The following CAMK2G variants were observed in gnomAD, a reference collection of about 807,000 sequenced individuals.
The protein encoded by CAMK2G is calcium/calmodulin dependent protein kinase II gamma, also known as calcium/calmodulin-dependent protein kinase type II subunit gamma.
In CAMK2G, 23 loss-of-function variants were observed where a neutral mutation model predicts 88.7. The observed-to-expected ratio is 0.26, with a 90% CI of 0.19 to 0.37. The LOEUF (loss-of-function observed/expected upper bound fraction) is 0.37, where lower values mean the gene tolerates loss of function less well. CAMK2G is among the 10% of genes least tolerant of loss of function. The probability of loss-of-function intolerance (pLI) is 1.00; values close to 1 mark genes in which losing one functional copy is unlikely to be tolerated. For synonymous variants in CAMK2G, 263 were observed against 294.8 expected, an observed-to-expected ratio of 0.89 and a Z score of 1.11; for missense variants, 476 against 780.8, an observed-to-expected ratio of 0.61 and a Z score of 4.65.
intron 10 of CAMK2G, chr10:73,846,872 T>G (rs929112345): frequency 4.5e-6 from 1 of 224,252 alleles, no homozygotes; most frequent in Non-Finnish European, 8.9e-6. Flanking sequence ...AGTTGAGATC[T>G]GAGTATGAAC....
At position 73,842,437 on chromosome 10, in the gene CAMK2G, C is replaced by T. The variant is rs757235768; in HGVS notation, c.903+21G>A. ...CAAGGCATGATGTCAAGGAGGCTGG[C>T]AGCCTAGAAACGACACTCACCTTCA... is the stretch of plus-strand genomic sequence containing the variant. On this transcript the variant is annotated intron_variant, in intron 11 of 22. Coordinates refer to ENST00000423381, the MANE Select transcript of CAMK2G (RefSeq NM_001367534.1). The surrounding 1 kb of genome is among the most constrained non-coding windows in gnomAD (Gnocchi z 4.6). The T allele has an allele frequency of 1.3e-6, 2 of 1,574,786 alleles. No individual in the cohort carries two copies. The highest frequency in any genetic ancestry group is 8.7e-7 in the Non-Finnish European group (1 of 1,144,108).
intron 14 of CAMK2G, among the ~76,000 whole-genome samples, chr10:73,835,708 T>C (rs900542916): frequency 6.6e-6 from 1 of 152,154 alleles, no homozygotes; most frequent in African/African-American, 2.4e-5. Flanking sequence ...GATCCAACCA[T>C]ATTTTTGACA....
chr10:73,835,025 T>C (rs531728068), intron 14 of CAMK2G, among the ~76,000 whole-genome samples: 1 of 152,318 alleles, frequency 6.6e-6, no homozygotes, highest in East Asian at 1.9e-4. Context: ...CTCTTCCCTC[T>C]GCCTGGAATA....
chr10:73,852,699 A>G (rs908858429), intron 4 of CAMK2G: 3 of 267,654 alleles, frequency 1.1e-5, no homozygotes, highest in Middle Eastern at 2.5e-3. Context: ...GTTGAAGAGT[A>G]ATGAGACCAA....
At chr10:73,815,841 G>C in intron 21 of CAMK2G, 1 of 985,558 alleles carries the variant, frequency 1.0e-6, no homozygotes, top group Non-Finnish European at 1.2e-6. Flanking sequence ...AAAGGCAAAA[G>C]AAGTTGGATT....
At chr10:73,841,783 T>C (rs2093805448) in intron 12 of CAMK2G, 1 of 182,488 alleles carries the variant, frequency 5.5e-6, no homozygotes, top group African/African-American at 2.4e-5. Context: ...TGGTGGCAAT[T>C]TGGCAATTGA....
chr10:73,855,056 G>A (rs952096856), intron 3 of CAMK2G, among the ~76,000 whole-genome samples: 1 of 152,108 alleles, frequency 6.6e-6, no homozygotes. Flanking sequence ...CCCTAGGCCT[G>A]CAGATGACAG....
rs1430352012 is a variant in CAMK2G, at chr10:73,817,031, A to G, written c.1526T>C (p.Phe509Ser). The G allele has an allele frequency of 1.9e-6, 3 of 1,614,158 alleles. No homozygotes were observed. In the Admixed American group the frequency reaches 5.0e-5, roughly 27 times the overall value. ...VEGMDFHKFY[F>S]ENLLSKNSKP... ...AGCACGAACCCACTCACGATTCTCAAAGTAAAACTTATGGAAATCCATCCC... is the reference window on the plus strand; with the variant it reads ...AGCACGAACCCACTCACGATTCTCAGAGTAAAACTTATGGAAATCCATCCC... Residue 509 changes from phenylalanine to serine, a missense_variant, in exon 21 of 23, where the codon TTT (phenylalanine) becomes TCT (serine). By Grantham distance (155) the Phe-to-Ser change is radical. Transcript: ENST00000423381.
Position 73,852,913 on chromosome 10 carries a change from C to CAA in CAMK2G, c.275+278_275+279insTT. The CAA allele has an allele frequency of 6.3e-6, 3 of 476,324 alleles. No homozygotes were observed. In the South Asian group the frequency reaches 9.2e-5, roughly 15 times the overall value. 29.5% of individuals were successfully genotyped at this position (476,324 alleles called of 1,614,324 possible). A position where few individuals can be genotyped will look rare whatever the true frequency, so the allele number is the denominator to read the frequency against. ...TCTTTTATTTCTTCACTAAGGACAG[C>CAA]ACACTGAGAAACAAGACAAAGGCAT... On this transcript the variant is annotated intron_variant, in intron 4 of 22. Transcript: ENST00000423381.
chr10:73,861,513 G>A (rs867188079), intron 2 of CAMK2G, among the ~76,000 whole-genome samples: 1 of 152,094 alleles, frequency 6.6e-6, no homozygotes. Flanking sequence ...ACACCACCAC[G>A]CCTGGCTAAT....
intron 12 of CAMK2G, among the ~76,000 whole-genome samples, chr10:73,840,538 C>G (rs770985018): frequency 7.9e-5 from 12 of 152,310 alleles, no homozygotes; most frequent in Non-Finnish European, 1.5e-4. Flanking sequence ...CTCCTCTGAC[C>G]CAAGGCAAAG....
At chr10:73,853,299 C>A in intron 3 of CAMK2G, 53 bp from the exon 4 acceptor site, 1 of 1,531,712 alleles carries the variant, frequency 6.5e-7, no homozygotes. Context: ...CTTGGAAATC[C>A]TAGGCTTCTC....
At chr10:73,846,979 G>C (rs1332479104) in intron 10 of CAMK2G, 2 of 489,632 alleles carry the variant, frequency 4.1e-6, no homozygotes, top group Admixed American at 3.4e-5. Flanking sequence ...TCCAAGAACA[G>C]AACCAATCCC....
chr10:73,851,277 C>T (rs575398340), intron 5 of CAMK2G, among the ~76,000 whole-genome samples: 4 of 152,282 alleles, frequency 2.6e-5, no homozygotes, highest in South Asian at 4.1e-4. Context: ...ACATCACCCT[C>T]GAGAAAAGCA....
rs757073848 is a variant in CAMK2G at position 73,817,559 on chromosome 10, G to A, written c.1364-5C>T. The A allele has an allele frequency of 1.9e-6, 3 of 1,607,214 alleles. No homozygotes were observed. Among genetic ancestry groups the A allele is most frequent in the African/African-American group, 1.3e-5 (1 of 74,850 alleles). The stretch of plus-strand genomic sequence containing the variant: ...TAATGATCTCCTGTTTTCGCACTGT[G>A]GGGGAGAAAAATCCATCAATTTACC... On this transcript the variant is annotated splice_region_variant and splice_polypyrimidine_tract_variant and intron_variant, in intron 19 of 22. Coordinates refer to ENST00000423381, the MANE Select transcript of CAMK2G (RefSeq NM_001367534.1).
In CAMK2G at chr10:73,815,369, G is replaced by GCCCCCCCCCCCCCCCCCC. The variant is rs57601302; in HGVS notation, c.1535-123_1535-122insGGGGGGGGGGGGGGGGGG. On this transcript the variant is annotated intron_variant, in intron 21 of 22. Coordinates refer to ENST00000423381, the MANE Select transcript of CAMK2G (RefSeq NM_001367534.1). ...ACCACTCCCAGAATCTCCAAGTACC[G>GCCCCCCCCCCCCCCCCCC]CCCCCCCCCACCCCCGAACCCCTGA... The GCCCCCCCCCCCCCCCCCC allele has an allele frequency of 8.1e-6, 5 of 619,306 alleles. No individual in the cohort carries two copies. The African/African-American group carries it at 1.0e-4, about 13-fold the overall frequency. The allele number at this position is 619,306 out of a possible 1,614,324, so 38.4% of individuals were successfully genotyped here.
intron 14 of CAMK2G, 91 bp downstream of exon 14, chr10:73,837,375 ATT>A: frequency 2.1e-6 from 2 of 974,664 alleles, no homozygotes; most frequent in Non-Finnish European, 3.4e-6. Context: ...GGATAGGAAG[ATT>A]CCCTGGGAAA....
intron 3 of CAMK2G, among the ~76,000 whole-genome samples, chr10:73,860,053 C>T (rs2095301158): frequency 6.6e-6 from 1 of 152,208 alleles, no homozygotes; most frequent in African/African-American, 2.4e-5. Flanking sequence ...CCTTGCTCTG[C>T]CTCAAGTCAA....
At position 73,848,921 on chromosome 10, in the gene CAMK2G, AG is replaced by A. The variant is rs1295796672; in HGVS notation, c.517+91del. 2 of 851,222 alleles carry A rather than the reference AG, an allele frequency of 2.3e-6. No individual in the cohort carries two copies. Among genetic ancestry groups the A allele is most frequent in the Non-Finnish European group, 4.1e-6 (2 of 486,334 alleles). 52.7% of individuals were successfully genotyped at this position (851,222 alleles called of 1,614,324 possible). On this transcript the variant is annotated intron_variant, in intron 7 of 22. Coordinates refer to ENST00000423381, the MANE Select transcript of CAMK2G (RefSeq NM_001367534.1). This position sits in a 1 kb window ranked among gnomAD's most constrained non-coding sequence, Gnocchi z 4.5. ...GAGATCTCGGAGGCCAGGACCATTA[AG>A]GGTCTGGCTTCTAGTTCTAATAGAG...
Sources: allele counts gnomAD v4.1 joint callset (sites outside exome capture counted in the v4.1 genomes callset), GRCh38; gene constraint gnomAD v4.1.1; non-coding constraint Gnocchi (gnomAD v3.1); transcripts MANE v1.5; gene names NCBI Gene and HGNC (gene_info 2026-07-23, HGNC 2026-07-21).